EVL: variants seen among roughly 807,000 people sequenced by gnomAD.
The protein encoded by EVL is ena/VASP-like protein.
In EVL, 21 loss-of-function variants were observed where a neutral mutation model predicts 59.6. The ratio of observed to expected loss-of-function variants is 0.35; its 90% confidence interval spans 0.25 to 0.51. The LOEUF is 0.51. EVL is among the 20% of genes least tolerant of loss of function. The probability of loss-of-function intolerance (pLI) is 0.97; values close to 1 mark genes in which losing one functional copy is unlikely to be tolerated. For missense variants in EVL, 462 were observed against 546.6 expected, an observed-to-expected ratio of 0.85 and a Z score of 1.54; for synonymous variants, 198 against 203.5, an observed-to-expected ratio of 0.97 and a Z score of 0.23.
intron 1 of EVL, among the ~76,000 whole-genome samples, chr14:100,074,238 T>C (rs910346040): frequency 2.0e-5 from 3 of 152,184 alleles, no homozygotes; most frequent in African/African-American, 4.8e-5. Context: ...CACCTTGTTT[T>C]TCTCGTTAGA....
chr14:100,139,546 C>G (rs745647454), intron 11 of EVL: 2 of 152,318 alleles, frequency 1.3e-5, no homozygotes, highest in African/African-American at 2.4e-5. Flanking sequence ...GGCCCTCTGG[C>G]TGGATGCGTT....
rs369496771 is a variant in EVL at position 100,065,474 on chromosome 14, G to T, written c.-27G>T. On this transcript the variant is annotated 5_prime_UTR_variant, in exon 1 of 14. Coordinates refer to ENST00000392920, the MANE Select transcript of EVL (RefSeq NM_016337.3). The stretch of plus-strand genomic sequence containing the variant: ...GGGAGTACAGGACTCGCCTCCTCAG[G>T]GTTCCCTGTGCTGCCACTTTTCAGC... The T allele has an allele frequency of 9.9e-5, 148 of 1,501,148 alleles. No individual in the cohort carries two copies. Among genetic ancestry groups the T allele is most frequent in the Non-Finnish European group, 1.2e-4 (138 of 1,112,352 alleles). The allele number at this position is 1,501,148 out of a possible 1,614,324, so 93.0% of individuals were successfully genotyped here.
intron 1 of EVL, among the ~76,000 whole-genome samples, chr14:100,027,784 C>T (rs1043088537): frequency 3.3e-5 from 5 of 152,168 alleles, no homozygotes; most frequent in African/African-American, 1.2e-4. Context: ...ATGCAGTTCT[C>T]GTGCCTCAGC....
chr14:100,048,793 G>T (rs915066331), intron 1 of EVL, among the ~76,000 whole-genome samples: 1 of 152,150 alleles, frequency 6.6e-6, no homozygotes, highest in African/African-American at 2.4e-5. Flanking sequence ...CAACAGCTCG[G>T]ATGAATCTCA....
At chr14:100,143,637 C>G (rs2140414575) in intron 13 of EVL, 64 bp from the exon 14 acceptor site, 22 of 1,600,318 alleles carry the variant, frequency 1.4e-5, no homozygotes, top group South Asian at 8.9e-5. Context: ...GGTGCGGGGC[C>G]CTGATGAGGA....
At chr14:100,063,649 A>G (rs1198528604), upstream of EVL, among the ~76,000 whole-genome samples, 34 of 152,316 alleles carry the variant, frequency 2.2e-4, no homozygotes, top group Middle Eastern at 3.4e-3. Flanking sequence ...ACAAAAACAA[A>G]CAACAGCAAC....
At chr14:100,057,415 CTT>C (rs1321524217) in intron 1 of EVL, among the ~76,000 whole-genome samples, 2 of 151,870 alleles carry the variant, frequency 1.3e-5, no homozygotes, top group African/African-American at 4.9e-5. Context: ...GCCATTCACA[CTT>C]TCTTTCCAGA....
intron 1 of EVL, among the ~76,000 whole-genome samples, chr14:100,004,925 T>C (rs1328744665): frequency 3.3e-5 from 5 of 152,356 alleles, no homozygotes; most frequent in East Asian, 1.9e-4. Context: ...TAATGAAATA[T>C]CTGTTATTTA....
chr14:100,032,939 T>C (rs1346991008), intron 1 of EVL, among the ~76,000 whole-genome samples: 1 of 152,198 alleles, frequency 6.6e-6, no homozygotes, highest in Non-Finnish European at 1.5e-5. Context: ...TATTACCTTT[T>C]TTTTTTTAAC....
chr14:100,051,936 C>T (rs57152356), intron 1 of EVL, among the ~76,000 whole-genome samples: 5,636 of 152,274 alleles, frequency 0.037, 366 homozygotes, highest in African/African-American at 0.13. Flanking sequence ...CCACATTTTA[C>T]GATCTTCCTT....
At chr14:100,125,255 C>G (rs1887995205) in intron 4 of EVL, among the ~76,000 whole-genome samples, 1 of 25,052 alleles carries the variant, frequency 4.0e-5, no homozygotes, top group Non-Finnish European at 9.4e-5. Context: ...GGCAGGAATA[C>G]ACACACACAC....
intron 3 of EVL, among the ~76,000 whole-genome samples, chr14:100,119,563 G>A (rs780108593): frequency 6.6e-6 from 1 of 152,236 alleles, no homozygotes; most frequent in South Asian, 2.1e-4. Context: ...GCAAGGCTTG[G>A]GGGGCAGAGG....
At chr14:100,125,191 CA>C (rs1566718608) in intron 4 of EVL, among the ~76,000 whole-genome samples, 61 of 149,914 alleles carry the variant, frequency 4.1e-4, no homozygotes, top group Non-Finnish European at 7.1e-4. Flanking sequence ...CACACACACA[CA>C]CACCTGCCCC....
rs1886690242 is a variant in EVL at position 100,108,029 on chromosome 14, C to T, written c.358+10371C>T. On this transcript the variant is annotated intron_variant, in intron 3 of 13. Coordinates refer to ENST00000392920, the MANE Select transcript of EVL (RefSeq NM_016337.3). This position sits in a 1 kb window ranked among gnomAD's most constrained non-coding sequence, Gnocchi z 4.1. Reference sequence around the variant, plus strand: ...GTATGTCCTTTTCCTACTTGGTTTGCGTGTAATAACATCATTGGTATATTT... The same window carrying T: ...GTATGTCCTTTTCCTACTTGGTTTGTGTGTAATAACATCATTGGTATATTT... 3 of 152,134 alleles carry T rather than the reference C, an allele frequency of 2.0e-5. No individual in the cohort carries two copies. Among genetic ancestry groups the T allele is most frequent in the Admixed American group, 2.0e-4 (3 of 15,272 alleles). 9.4% of individuals were successfully genotyped at this position (152,134 alleles called of 1,614,324 possible). A position where few individuals can be genotyped will look rare whatever the true frequency, so the allele number is the denominator to read the frequency against.
chr14:100,045,053 G>A (rs79443000), intron 1 of EVL, among the ~76,000 whole-genome samples: 1,965 of 152,282 alleles, frequency 0.013, 35 homozygotes, highest in African/African-American at 0.044. Flanking sequence ...GTTGTTGAAC[G>A]CTGCCAGAGG....
At chr14:100,140,274 T>C (rs1889084306) in intron 11 of EVL, 1 of 151,952 alleles carries the variant, frequency 6.6e-6, no homozygotes, top group South Asian at 2.1e-4. Context: ...GTTACCTTAG[T>C]TTGGAAACTT....
chr14:100,013,414 C>G (rs1377716853), intron 1 of EVL, among the ~76,000 whole-genome samples: 1 of 152,126 alleles, frequency 6.6e-6, no homozygotes, highest in Non-Finnish European at 1.5e-5. Context: ...TCACAGCATC[C>G]CCACAAAATA....
intron 1 of EVL, among the ~76,000 whole-genome samples, chr14:100,013,351 C>T (rs2061028923): frequency 6.6e-6 from 1 of 152,206 alleles, no homozygotes; most frequent in South Asian, 2.1e-4. Context: ...GTTTTTGAGG[C>T]ATATTTGATA....
rs748017938 is a variant in EVL at position 100,108,960 on chromosome 14, A to G, written c.358+11302A>G. Reference sequence around the variant, plus strand: ...TGCCTTATAAGCTCTCAGTATATCCATCCCTGGCTGCAGGAACACACCAGG... The same window carrying G: ...TGCCTTATAAGCTCTCAGTATATCCGTCCCTGGCTGCAGGAACACACCAGG... On this transcript the variant is annotated intron_variant, in intron 3 of 13. Coordinates refer to ENST00000392920, the MANE Select transcript of EVL (RefSeq NM_016337.3). The surrounding 1 kb of genome is among the most constrained non-coding windows in gnomAD (Gnocchi z 4.1). Among the ~76,000 whole-genome samples the G allele has an allele frequency of 2.0e-4, 31 of 152,050 alleles. No homozygotes were observed. Among genetic ancestry groups the G allele is most frequent in the Admixed American group, 1.6e-3 (25 of 15,262 alleles).
Sources: gnomAD v4.1 joint callset for allele counts (sites outside exome capture counted in the v4.1 genomes callset) on GRCh38, gnomAD v4.1.1 for gene constraint, Gnocchi (gnomAD v3.1) non-coding constraint, MANE v1.5 for transcripts, NCBI Gene and HGNC (gene_info 2026-07-23, HGNC 2026-07-21) for gene names.